ZNF585A: variants seen among roughly 807,000 people sequenced by gnomAD.
ZNF585A encodes the protein zinc finger protein 585A.
In ZNF585A, 9 loss-of-function variants were observed where a neutral mutation model predicts 14.9. The observed-to-expected ratio is 0.60, with a 90% confidence interval of 0.36 to 1.05. The LOEUF (loss-of-function observed/expected upper bound fraction) is 1.05, where lower values mean the gene tolerates loss of function less well. ZNF585A is among the 50% of genes least tolerant of loss of function. The pLI is 0.01. For missense variants in ZNF585A, 726 were observed against 926.4 expected (o/e 0.78, Z 2.81); for synonymous variants, 276 against 319.9 (o/e 0.86, Z 1.46).
Position 37,151,532 on chromosome 19 carries a change from G to A in ZNF585A, c.*57C>T, listed in dbSNP as rs141288430. On this transcript the variant is annotated 3_prime_UTR_variant, in exon 5 of 5. Coordinates refer to ENST00000292841, the MANE Select transcript of ZNF585A (RefSeq NM_001288800.2). ...ATATACATATTTTTCTGCTGCATGC[G>A]TGCAACAGTGTACAATCAGACCCAA... 43,632 of 1,455,118 alleles carry A rather than the reference G, an allele frequency of 0.03. 864 individuals are homozygous for A. The highest frequency in any genetic ancestry group is 0.078 in the East Asian group (3,413 of 44,004). 90.1% of individuals were successfully genotyped at this position (1,455,118 alleles called of 1,614,324 possible).
rs1971869957 is a variant in ZNF585A at position 37,153,284 on chromosome 19, C to T, written c.615G>A (p.Gln205=). ...AGAGTTTCTCTCCGGTATGAATTCT[C>T]TGATGCCTGAAGAGGGACGACACTT... ...FFQVSSLFRH[Q]RIHTGEKLYE... The change falls in exon 5 of 5, where the codon CAG becomes CAA. Residue 205 remains glutamine, a synonymous_variant. Coordinates refer to ENST00000292841, the MANE Select transcript of ZNF585A (RefSeq NM_001288800.2). 6.2e-7 allele frequency: 1 copy of T among 1,614,206 alleles called. No individual in the cohort carries two copies. Among genetic ancestry groups the T allele is most frequent in the Non-Finnish European group, 8.5e-7 (1 of 1,180,038 alleles).
rs1971875155 is a variant in ZNF585A at position 37,153,522 on chromosome 19, C to A, written c.377G>T (p.Gly126Val). The stretch of plus-strand genomic sequence containing the variant: ...TTTGGCGCATTCATAAGCTTTCTCC[C>A]CAGGATACATTTTTTGAGGTTGAGA... The part of the protein sequence containing the change: ...VSSQPQKMYP[G>V]EKAYECAKFE... The change falls in exon 5 of 5, where the codon GGG (glycine) becomes GTG (valine). Residue 126 changes from glycine (G) to valine (V), a missense_variant. Physicochemically the swap from Gly to Val is moderately radical, Grantham distance 109 (BLOSUM62 -3). Transcript: ENST00000292841. 1.2e-6 allele frequency: 2 copies of A among 1,614,062 alleles called. No homozygotes were observed. The highest frequency in any genetic ancestry group is 1.7e-6 in the Non-Finnish European group (2 of 1,180,008).
chr19:37,158,407 G>T (rs1295875951), intron 2 of ZNF585A, among the ~76,000 whole-genome samples: 1 of 152,144 alleles, frequency 6.6e-6, no homozygotes, highest in Non-Finnish European at 1.5e-5. Context: ...TGCTGACATG[G>T]CATAGTAATT....
intron 2 of ZNF585A, among the ~76,000 whole-genome samples, chr19:37,159,380 C>T (rs1444452394): frequency 1.3e-5 from 2 of 151,652 alleles, no homozygotes; most frequent in African/African-American, 4.8e-5. Flanking sequence ...TAATAAAATG[C>T]TTTTTGAAAA....
In ZNF585A at chr19:37,149,108, A is replaced by C. The variant is rs1971782870; in HGVS notation, c.*2481T>G. On this transcript the variant is annotated 3_prime_UTR_variant, in exon 5 of 5. Transcript: ENST00000292841. ...CTCCAACAAGCAGAAAGTACAAGACACATTCTATGGTGTTACACCAAGGAT... is the reference window on the plus strand; with the variant it reads ...CTCCAACAAGCAGAAAGTACAAGACCCATTCTATGGTGTTACACCAAGGAT... 6.6e-6 allele frequency: 1 copy of C among 152,128 alleles called. No individual in the cohort carries two copies. The highest frequency in any genetic ancestry group is 2.1e-4 in the South Asian group (1 of 4,834). The allele number at this position is 152,128 out of a possible 1,614,324, so 9.4% of individuals were successfully genotyped here.
intron 1 of ZNF585A, among the ~76,000 whole-genome samples, chr19:37,170,720 C>T (rs1972169202): frequency 1.3e-5 from 2 of 152,180 alleles, no homozygotes; most frequent in Admixed American, 1.3e-4. Context: ...CTGATCCGCT[C>T]GCCTCTGCCT....
At position 37,153,088 on chromosome 19, in the gene ZNF585A, T is replaced by C. The variant is rs377263650; in HGVS notation, c.811A>G (p.Ile271Val). The change falls in exon 5 of 5, where the codon ATC (isoleucine) becomes GTC (valine). Residue 271 changes from isoleucine (I) to valine (V), a missense_variant. Around this residue, in one of 2 missense-constraint regions of ZNF585A, gnomAD observed 483 missense variants for 542.8 expected, o/e 0.89. Coordinates refer to ENST00000292841, the MANE Select transcript of ZNF585A (RefSeq NM_001288800.2). ...AAGGCCTGTCCGCATTCAATACAGA[T>C]GTAGGATCTCTCGCCTGTATGGATT... The part of the protein sequence containing the change: ...QKIHTGERSY[I>V]CIECGQAFIQ... 70 of 1,614,078 alleles carry C rather than the reference T, an allele frequency of 4.3e-5. No individual in the cohort carries two copies. The highest frequency in any genetic ancestry group is 5.8e-5 in the Non-Finnish European group (68 of 1,180,032).
At chr19:37,166,818 A>G (rs1440921595) in intron 2 of ZNF585A, among the ~76,000 whole-genome samples, 1 of 151,962 alleles carries the variant, frequency 6.6e-6, no homozygotes, top group Non-Finnish European at 1.5e-5. Context: ...CCCACAGGAT[A>G]GCTTTAGCAC....
At chr19:37,160,343 A>AAAAT (rs148963406) in intron 2 of ZNF585A, among the ~76,000 whole-genome samples, 28,824 of 138,588 alleles carry the variant, frequency 0.21, 3,483 homozygotes, top group Non-Finnish European at 0.27. Context: ...ACCTGTCTCA[A>AAAAT]AAATAAATAA....
intron 2 of ZNF585A, among the ~76,000 whole-genome samples, chr19:37,164,467 A>G (rs1368966923): frequency 6.6e-6 from 1 of 152,126 alleles, no homozygotes; most frequent in African/African-American, 2.4e-5. Context: ...GGAAACTTTA[A>G]TAATATCTCT....
chr19:37,156,117 C>G (rs1434198436), intron 3 of ZNF585A, 112 bp downstream of exon 3: 4 of 1,557,296 alleles, frequency 2.6e-6, no homozygotes, highest in African/African-American at 1.4e-5. Flanking sequence ...GAATCCTAGA[C>G]AAATCAAGAA....
intron 3 of ZNF585A, 80 bp downstream of exon 3, chr19:37,156,149 A>G (rs1351231767): frequency 6.3e-7 from 1 of 1,581,602 alleles, no homozygotes; most frequent in East Asian, 2.2e-5. Flanking sequence ...CCTATTTAAG[A>G]TGCGGACAGC....
At chr19:37,165,761 C>G (rs1292056764) in intron 2 of ZNF585A, 1 of 568,782 alleles carries the variant, frequency 1.8e-6, no homozygotes, top group African/African-American at 2.0e-5. Flanking sequence ...TTATTCTTTA[C>G]CCAAAACTTC....
At chr19:37,166,881 T>C (rs1972100536) in intron 2 of ZNF585A, among the ~76,000 whole-genome samples, 1 of 152,172 alleles carries the variant, frequency 6.6e-6, no homozygotes, top group Non-Finnish European at 1.5e-5. Flanking sequence ...TCACGCAGAC[T>C]GGAGTACAGT....
rs750150856 is a variant in ZNF585A at position 37,152,521 on chromosome 19, G to T, written c.1378C>A (p.His460Asn). ...KSQLHVHKRI[H>N]TGEKPYMCNK... is the part of the protein sequence containing the mutation. The stretch of plus-strand genomic sequence containing the variant: ...CACATATAGGGCTTTTCTCCTGTGT[G>T]AATTCGTTTATGAACATGGAGTTGC... Residue 460 changes from histidine (H) to asparagine (N), a missense_variant, in exon 5 of 5, where the codon CAC becomes AAC. This residue lies in a region of ZNF585A where 243 missense variants were observed against 383.6 expected (regional missense o/e 0.63). Transcript: ENST00000292841. The T allele has an allele frequency of 1.4e-5, 22 of 1,614,150 alleles. No individual in the cohort carries two copies. The highest frequency in any genetic ancestry group is 1.8e-5 in the Non-Finnish European group (21 of 1,180,030).
chr19:37,169,815 C>A, intron 2 of ZNF585A, 24 bp downstream of exon 2: 1 of 1,608,852 alleles, frequency 6.2e-7, no homozygotes, highest in Admixed American at 1.7e-5. Context: ...GAATTCCCAC[C>A]CCCCTGGGAC....
chr19:37,169,796 T>C, intron 2 of ZNF585A, 43 bp downstream of exon 2: 1 of 1,603,786 alleles, frequency 6.2e-7, no homozygotes, highest in Non-Finnish European at 8.5e-7. Context: ...AGATACCTAG[T>C]CCTGGATTGA....
intron 2 of ZNF585A, among the ~76,000 whole-genome samples, chr19:37,166,966 T>G (rs1352336163): frequency 6.6e-6 from 1 of 152,036 alleles, no homozygotes; most frequent in Non-Finnish European, 1.5e-5. Flanking sequence ...CCTAAGTAGC[T>G]GGGACTACAG....
At chr19:37,167,630 T>TTTTATTTTATTTTA in intron 2 of ZNF585A, among the ~76,000 whole-genome samples, 1 of 147,288 alleles carries the variant, frequency 6.8e-6, no homozygotes, top group African/African-American at 2.6e-5. Flanking sequence ...TTTTATTTTA[T>TTTTATTTTATTTTA]TTTATTTTTG....
Sources: allele counts gnomAD v4.1 joint callset (sites outside exome capture counted in the v4.1 genomes callset), GRCh38; gene constraint gnomAD v4.1.1; regional missense constraint gnomAD v4.1.1; transcripts MANE v1.5; gene names NCBI Gene and HGNC (gene_info 2026-07-23, HGNC 2026-07-21).